ZBTB7C: variants seen among roughly 807,000 people sequenced by gnomAD.
ZBTB7C encodes the protein zinc finger and BTB domain containing 7C, also known as zinc finger and BTB domain-containing protein 7C.
In ZBTB7C, 8 loss-of-function variants were observed where a neutral mutation model predicts 25.7. That is an observed-to-expected ratio of 0.31 (90% confidence interval 0.18 to 0.56). The LOEUF (loss-of-function observed/expected upper bound fraction) is 0.56. Ranked by LOEUF, ZBTB7C falls within the 20% of genes least tolerant of loss-of-function variation. The probability of loss-of-function intolerance (pLI) is 0.91; values close to 1 mark genes in which losing one functional copy is unlikely to be tolerated. For missense variants in ZBTB7C, 824 were observed against 855.2 expected (o/e 0.96, Z 0.46); for synonymous variants, 394 against 369.0 (o/e 1.07, Z -0.78).
At chr18:48,208,558 G>C (rs1361880684) in intron 2 of ZBTB7C, among the ~76,000 whole-genome samples, 1 of 152,180 alleles carries the variant, frequency 6.6e-6, no homozygotes, top group East Asian at 1.9e-4. Flanking sequence ...CCAGATATGA[G>C]AGGTGTTGCT....
intron 1 of ZBTB7C, among the ~76,000 whole-genome samples, chr18:48,339,270 C>T (rs2046535801): frequency 6.6e-6 from 1 of 152,246 alleles, no homozygotes; most frequent in Non-Finnish European, 1.5e-5. Context: ...CTCTCAGCTC[C>T]ACCCCAACCA....
chr18:48,191,481 G>A (rs1387052656), intron 2 of ZBTB7C, among the ~76,000 whole-genome samples: 1 of 152,256 alleles, frequency 6.6e-6, no homozygotes, highest in Non-Finnish European at 1.5e-5. Flanking sequence ...CTTGGTGCAG[G>A]ACCTCAGCTG....
At chr18:48,052,153 A>G (rs113408151) in intron 3 of ZBTB7C, among the ~76,000 whole-genome samples, 1 of 152,114 alleles carries the variant, frequency 6.6e-6, no homozygotes, top group East Asian at 1.9e-4. Context: ...CATACTCCCA[A>G]TGGCCTCAGG....
At chr18:48,147,051 G>A (rs965703263) in intron 3 of ZBTB7C, among the ~76,000 whole-genome samples, 6 of 152,112 alleles carry the variant, frequency 3.9e-5, no homozygotes, top group African/African-American at 1.4e-4. Context: ...GGCTTCTGAT[G>A]GAGTTGCTTC....
intron 2 of ZBTB7C, among the ~76,000 whole-genome samples, chr18:48,198,660 T>C (rs1468731230): frequency 6.6e-6 from 1 of 152,178 alleles, no homozygotes; most frequent in Non-Finnish European, 1.5e-5. Context: ...CTCTTTCATG[T>C]ATAAGGACCC....
intron 3 of ZBTB7C, chr18:48,136,878 A>C: frequency 1.2e-6 from 1 of 816,508 alleles, no homozygotes; most frequent in Non-Finnish European, 1.5e-6. Flanking sequence ...GCGTAGCGAG[A>C]ATGCCCGCAG....
chr18:48,052,154 T>C (rs2036712570), intron 3 of ZBTB7C, among the ~76,000 whole-genome samples: 1 of 152,170 alleles, frequency 6.6e-6, no homozygotes, highest in South Asian at 2.1e-4. Context: ...ATACTCCCAA[T>C]GGCCTCAGGC....
Position 48,041,760 on chromosome 18 carries a change from T to TAAC in ZBTB7C, c.-16-640_-16-638dup, listed in dbSNP as rs1219372007. ...GATCCTTTTTTTAAAAAAAAAACAC[T>TAAC]AACTTCCTATATGTGTATATCTGAG... On this transcript the variant is annotated intron_variant, in intron 3 of 4. Transcript: ENST00000590800. Among the ~76,000 whole-genome samples, 15 of 152,144 alleles carry TAAC rather than the reference T, an allele frequency of 9.9e-5. No homozygotes were observed. In the East Asian group the frequency reaches 2.1e-3, roughly 22 times the overall value.
chr18:48,282,903 T>A (rs911799485), intron 2 of ZBTB7C, among the ~76,000 whole-genome samples: 2 of 152,194 alleles, frequency 1.3e-5, no homozygotes, highest in African/African-American at 4.8e-5. Flanking sequence ...GTGCTGAGAA[T>A]CTTCTATGTC....
intron 2 of ZBTB7C, among the ~76,000 whole-genome samples, chr18:48,330,229 G>A (rs1311580128): frequency 6.6e-6 from 1 of 152,200 alleles, no homozygotes; most frequent in Non-Finnish European, 1.5e-5. Flanking sequence ...GCATGGCCCA[G>A]AGCAGGGCAC....
At chr18:48,319,201 G>A (rs565103424) in intron 2 of ZBTB7C, among the ~76,000 whole-genome samples, 7 of 152,118 alleles carry the variant, frequency 4.6e-5, no homozygotes, top group African/African-American at 1.7e-4. Flanking sequence ...CTGGGAAAGT[G>A]TGTGTGTGAG....
chr18:48,373,411 A>G (rs915440123), intron 1 of ZBTB7C, among the ~76,000 whole-genome samples: 2 of 152,288 alleles, frequency 1.3e-5, no homozygotes, highest in African/African-American at 2.4e-5. Context: ...CTGAAAAACC[A>G]TAAGCCAATT....
intron 1 of ZBTB7C, among the ~76,000 whole-genome samples, chr18:48,367,190 TATATATATATATACACACAC>T (rs1369890773): frequency 2.9e-5 from 2 of 68,544 alleles, no homozygotes; most frequent in African/African-American, 1.2e-4. Context: ...TATATATATA[TATATATATATATACACACAC>T]ACACACACAC....
At chr18:48,041,522 G>A in intron 3 of ZBTB7C, 2 of 985,430 alleles carry the variant, frequency 2.0e-6, no homozygotes, top group Non-Finnish European at 2.4e-6. Flanking sequence ...TGTGGGGCAA[G>A]GACCTCTCAG....
intron 2 of ZBTB7C, among the ~76,000 whole-genome samples, chr18:48,294,829 C>T (rs2045342420): frequency 6.6e-6 from 1 of 152,120 alleles, no homozygotes; most frequent in South Asian, 2.1e-4. Flanking sequence ...TATTAGTTCC[C>T]AAAATTTTAA....
intron 3 of ZBTB7C, among the ~76,000 whole-genome samples, chr18:48,124,061 G>A (rs1390507949): frequency 6.6e-6 from 1 of 152,174 alleles, no homozygotes; most frequent in African/African-American, 2.4e-5. Flanking sequence ...GAGTTGTCAA[G>A]TTAACCCCAT....
At chr18:48,076,514 A>G (rs1321479758) in intron 3 of ZBTB7C, among the ~76,000 whole-genome samples, 2 of 152,142 alleles carry the variant, frequency 1.3e-5, no homozygotes, top group Admixed American at 6.5e-5. Flanking sequence ...TAGAAAAGCA[A>G]TTTTTAAATA....
intron 3 of ZBTB7C, among the ~76,000 whole-genome samples, chr18:48,146,905 A>G (rs2040512361): frequency 6.6e-6 from 1 of 151,852 alleles, no homozygotes; most frequent in East Asian, 1.9e-4. Context: ...CAGATTAACT[A>G]TGGCCATTTT....
chr18:48,372,832 A>G (rs998085199), intron 1 of ZBTB7C, among the ~76,000 whole-genome samples: 20 of 152,052 alleles, frequency 1.3e-4, no homozygotes, highest in African/African-American at 4.8e-4. Flanking sequence ...GGTCCCGTCT[A>G]CATAGAATCC....
Sources: allele counts gnomAD v4.1 joint callset (sites outside exome capture counted in the v4.1 genomes callset), GRCh38; gene constraint gnomAD v4.1.1; transcripts MANE v1.5; gene names NCBI Gene and HGNC (gene_info 2026-07-23, HGNC 2026-07-21).